The following NKAIN3 variants were observed in gnomAD, a reference collection of about 807,000 sequenced individuals.
NKAIN3 encodes sodium/potassium transporting ATPase interacting 3, also known as sodium/potassium-transporting ATPase subunit beta-1-interacting protein 3.
A neutral mutation model predicts 30.2 loss-of-function variants in NKAIN3; 25 were observed. That is an observed-to-expected ratio of 0.83 (90% confidence interval 0.60 to 1.16). The LOEUF (loss-of-function observed/expected upper bound fraction) is 1.16. Ranked by LOEUF, NKAIN3 falls within the 50% of genes most tolerant of loss-of-function variation. The pLI, the probability that NKAIN3 is intolerant of heterozygous loss-of-function variation, is 0.00. For synonymous variants in NKAIN3, 91 were observed against 89.6 expected (o/e 1.02, Z -0.09); for missense variants, 225 against 254.1 (o/e 0.89, Z 0.78).
At chr8:62,689,459 C>T (rs16929407) in intron 3 of NKAIN3, among the ~76,000 whole-genome samples, 10,642 of 152,146 alleles carry the variant, frequency 0.07, 821 homozygotes, top group African/African-American at 0.19. Flanking sequence ...GTACATTTTG[C>T]ATTTCAGGCC....
intron 1 of NKAIN3, among the ~76,000 whole-genome samples, chr8:62,516,819 A>T (rs1808006616): frequency 6.6e-6 from 1 of 152,000 alleles, no homozygotes; most frequent in African/African-American, 2.4e-5. Context: ...GATACACCAA[A>T]CTGTCAATTT....
intron 4 of NKAIN3, among the ~76,000 whole-genome samples, chr8:62,858,200 T>C (rs893014321): frequency 1.3e-5 from 2 of 152,150 alleles, no homozygotes; most frequent in African/African-American, 4.8e-5. Context: ...GTCTGCGAAA[T>C]AGCAAAGATG....
intron 1 of NKAIN3, among the ~76,000 whole-genome samples, chr8:62,535,013 G>A (rs891293495): frequency 3.9e-5 from 6 of 152,226 alleles, no homozygotes; most frequent in South Asian, 2.1e-4. Flanking sequence ...TGATTTGTGT[G>A]CATGCTTTTT....
rs542886646 is a variant in NKAIN3, at chr8:62,831,535, A to G, written c.471+84406A>G. Among the ~76,000 whole-genome samples, 5 of 152,292 alleles carry G rather than the reference A, an allele frequency of 3.3e-5. No homozygotes were observed. In the South Asian group the frequency reaches 8.3e-4, roughly 25 times the overall value. On this transcript the variant is annotated intron_variant, in intron 4 of 6. Transcript: ENST00000623646. The stretch of plus-strand genomic sequence containing the variant: ...CAGATACATAGCTTTAAAATAATCA[A>G]TCAGAGCTTTTGGAATTGACAAACT...
intron 4 of NKAIN3, among the ~76,000 whole-genome samples, chr8:62,909,699 G>A (rs200019593): frequency 7.5e-5 from 6 of 79,984 alleles, no homozygotes; most frequent in East Asian, 1.1e-3. Flanking sequence ...AATCACAATA[G>A]CAAAAGTAAT....
intron 4 of NKAIN3, among the ~76,000 whole-genome samples, chr8:62,864,615 G>T (rs1190591170): frequency 2.0e-5 from 3 of 152,198 alleles, no homozygotes; most frequent in African/African-American, 7.2e-5. Context: ...TTTCCACCTC[G>T]TTGTTTTCTG....
chr8:62,461,225 TACTAAGTTA>T (rs1436237083), intron 1 of NKAIN3, among the ~76,000 whole-genome samples: 1 of 152,216 alleles, frequency 6.6e-6, no homozygotes, highest in East Asian at 1.9e-4. Context: ...TGAGTTACTC[TACTAAGTTA>T]ACAAAGCAGA....
chr8:62,801,147 AG>A (rs1818047591), intron 4 of NKAIN3, among the ~76,000 whole-genome samples: 1 of 152,238 alleles, frequency 6.6e-6, no homozygotes, highest in Admixed American at 6.5e-5. Context: ...CCACAGCTCA[AG>A]GAGGCCTGCC....
At chr8:62,864,327 T>C in intron 4 of NKAIN3, 1 of 1,469,660 alleles carries the variant, frequency 6.8e-7, no homozygotes, top group Non-Finnish European at 9.2e-7. Context: ...AAGAAAACAT[T>C]GAGAAAGAAG....
At chr8:62,697,097 G>C (rs977501181) in intron 3 of NKAIN3, among the ~76,000 whole-genome samples, 1 of 152,144 alleles carries the variant, frequency 6.6e-6, no homozygotes, top group Admixed American at 6.5e-5. Context: ...TGCAGCAGGC[G>C]TAATCCTTTA....
intron 1 of NKAIN3, among the ~76,000 whole-genome samples, chr8:62,429,355 A>G (rs182100977): frequency 1.8e-4 from 27 of 151,990 alleles, no homozygotes; most frequent in Non-Finnish European, 1.6e-4. Context: ...TCTAGAATTT[A>G]TTGAATGTTC....
At chr8:62,719,724 ATCT>A (rs1294741550) in intron 3 of NKAIN3, among the ~76,000 whole-genome samples, 1 of 149,806 alleles carries the variant, frequency 6.7e-6, no homozygotes, top group Non-Finnish European at 1.5e-5. Flanking sequence ...ATTTCCTGTA[ATCT>A]TCTGCATACA....
intron 4 of NKAIN3, among the ~76,000 whole-genome samples, chr8:62,775,030 T>C (rs1817144658): frequency 1.3e-5 from 2 of 152,274 alleles, no homozygotes; most frequent in Admixed American, 1.3e-4. Flanking sequence ...AGCTATCACG[T>C]CCCAAGCTTT....
At chr8:62,948,178 C>T (rs768138814) in intron 5 of NKAIN3, among the ~76,000 whole-genome samples, 1 of 151,690 alleles carries the variant, frequency 6.6e-6, no homozygotes, top group Admixed American at 6.6e-5. Context: ...TTACCTATAT[C>T]TGTGACTTGG....
At chr8:62,386,100 A>G (rs1487248038) in intron 1 of NKAIN3, among the ~76,000 whole-genome samples, 1 of 152,134 alleles carries the variant, frequency 6.6e-6, no homozygotes, top group Non-Finnish European at 1.5e-5. Context: ...GCTTGCGGGT[A>G]TGTTTACTTA....
chr8:62,516,798 T>A (rs1808005859), intron 1 of NKAIN3, among the ~76,000 whole-genome samples: 1 of 152,114 alleles, frequency 6.6e-6, no homozygotes, highest in East Asian at 1.9e-4. Context: ...CTTTCTGAGA[T>A]TCTCCCTGTA....
chr8:62,792,921 G>A (rs1212168661), intron 4 of NKAIN3, among the ~76,000 whole-genome samples: 2 of 152,084 alleles, frequency 1.3e-5, no homozygotes, highest in Admixed American at 6.6e-5. Flanking sequence ...AGGTAGGTGG[G>A]TACTAAACCC....
intron 1 of NKAIN3, among the ~76,000 whole-genome samples, chr8:62,349,298 G>C (rs187282706): frequency 7.6e-4 from 116 of 152,248 alleles, no homozygotes; most frequent in African/African-American, 2.0e-3. Flanking sequence ...AGAGCAAGCT[G>C]CCTTGTTTTA....
intron 1 of NKAIN3, among the ~76,000 whole-genome samples, chr8:62,531,666 T>C (rs1290780037): frequency 6.6e-6 from 1 of 152,186 alleles, no homozygotes; most frequent in Non-Finnish European, 1.5e-5. Context: ...AGATGGTGCA[T>C]ACATTTTTTC....
Sources: gnomAD v4.1 joint callset for allele counts (sites outside exome capture counted in the v4.1 genomes callset) on GRCh38, gnomAD v4.1.1 for gene constraint, MANE v1.5 for transcripts, NCBI Gene and HGNC (gene_info 2026-07-23, HGNC 2026-07-21) for gene names.